The following NRXN3 variants were observed in gnomAD, a reference collection of about 807,000 sequenced individuals.
NRXN3 encodes the protein neurexin 3.
A neutral mutation model predicts 137.6 loss-of-function variants in NRXN3; 32 were observed. The observed-to-expected ratio is 0.23, with a 90% CI of 0.18 to 0.31. NRXN3 has a LOEUF of 0.31. NRXN3 is among the 10% of genes least tolerant of loss of function. NRXN3 has a pLI of 1.00. For synonymous variants in NRXN3, 798 were observed against 784.5 expected (o/e 1.02, Z -0.29); for missense variants, 1,574 against 2,062.5 (o/e 0.76, Z 4.59).
chr14:78,922,506 G>A (rs561421101), intron 10 of NRXN3, among the ~76,000 whole-genome samples: 45 of 152,196 alleles, frequency 3.0e-4, no homozygotes, highest in African/African-American at 9.2e-4. Context: ...ATGGGCCTTC[G>A]TCCAATTTAG....
intron 15 of NRXN3, among the ~76,000 whole-genome samples, chr14:79,039,702 A>C (rs946526899): frequency 2.0e-5 from 3 of 152,044 alleles, no homozygotes; most frequent in African/African-American, 7.2e-5. Context: ...TTTATTTTAA[A>C]TAGAGACAGG....
chr14:78,368,062 A>T lies in NRXN3; in HGVS notation c.757+70202A>T, dbSNP rs1391393400. Among the ~76,000 whole-genome samples the T allele has an allele frequency of 2.6e-5, 4 of 152,340 alleles. No homozygotes were observed. The South Asian group carries it at 8.3e-4, about 32-fold the overall frequency. On this transcript the variant is annotated intron_variant, in intron 4 of 20. Transcript: ENST00000335750. ...TTGAAGCCCTTACTTCAAAAATTTT[A>T]CTAATGCTTTGGCAGTTTTAGCAAC...
At chr14:79,776,040 A>T (rs1246499724) in intron 19 of NRXN3, among the ~76,000 whole-genome samples, 29 of 152,148 alleles carry the variant, frequency 1.9e-4, no homozygotes, top group Admixed American at 1.9e-3. Context: ...TGAGTGGAGA[A>T]ATAAGCAAAA....
chr14:79,548,234 T>A (rs1421304836), intron 16 of NRXN3, among the ~76,000 whole-genome samples: 2 of 152,070 alleles, frequency 1.3e-5, no homozygotes, highest in African/African-American at 2.4e-5. Flanking sequence ...TTCCCCTCCT[T>A]GTGTCCACGT....
intron 15 of NRXN3, among the ~76,000 whole-genome samples, chr14:79,177,064 A>G (rs138827596): frequency 6.6e-6 from 1 of 152,228 alleles, no homozygotes; most frequent in African/African-American, 2.4e-5. Context: ...ATTTTTTAAG[A>G]GTTGTATAGG....
chr14:79,111,753 T>C (rs1396560478), intron 15 of NRXN3, among the ~76,000 whole-genome samples: 7 of 148,080 alleles, frequency 4.7e-5, no homozygotes, highest in Admixed American at 6.7e-5. Context: ...AAAAAAAAAG[T>C]TTATTAGCAA....
chr14:78,413,671 C>T (rs765998060), intron 4 of NRXN3, among the ~76,000 whole-genome samples: 5 of 152,172 alleles, frequency 3.3e-5, no homozygotes, highest in Admixed American at 6.5e-5. Context: ...CTCCCATTAG[C>T]TAAAGACAAT....
intron 6 of NRXN3, among the ~76,000 whole-genome samples, chr14:78,675,925 T>G (rs887221367): frequency 3.3e-5 from 5 of 152,186 alleles, no homozygotes; most frequent in African/African-American, 1.2e-4. Flanking sequence ...TATTTGTCAA[T>G]GGTAATCTAT....
intron 4 of NRXN3, chr14:78,526,733 A>T: frequency 1.9e-6 from 1 of 517,332 alleles, no homozygotes; most frequent in South Asian, 1.4e-5. Context: ...TAATCCTAAG[A>T]GGTAGGTAGG....
Position 79,863,529 on chromosome 14 carries a change from C to T in NRXN3, c.*1565C>T, listed in dbSNP as rs1376468771. The T allele has an allele frequency of 1.3e-5, 2 of 149,632 alleles. No individual in the cohort carries two copies. The highest frequency in any genetic ancestry group is 3.0e-5 in the Non-Finnish European group (2 of 67,172). 9.3% of individuals were successfully genotyped at this position (149,632 alleles called of 1,614,324 possible). ...TGTCAAAGAGAATTAAAAAAAAAAACTTCAGATTTTGTTTACATATTTTAC... is the reference window on the plus strand; with the variant it reads ...TGTCAAAGAGAATTAAAAAAAAAAATTTCAGATTTTGTTTACATATTTTAC... On this transcript the variant is annotated 3_prime_UTR_variant, in exon 21 of 21. Coordinates refer to ENST00000335750, the MANE Select transcript of NRXN3 (RefSeq NM_001330195.2).
chr14:78,307,741 A>G (rs2077513825), intron 4 of NRXN3, among the ~76,000 whole-genome samples: 2 of 152,130 alleles, frequency 1.3e-5, no homozygotes, highest in Admixed American at 1.3e-4. Context: ...TGCATCTTTC[A>G]TTAAAATTTA....
In NRXN3 at chr14:78,303,053, T is replaced by A. The variant is rs553952287; in HGVS notation, c.757+5193T>A. 3.9e-5 allele frequency among the ~76,000 whole-genome samples: 6 copies of A among 152,318 alleles called. No individual in the cohort carries two copies. The South Asian group carries it at 8.3e-4, about 21-fold the overall frequency. On this transcript the variant is annotated intron_variant, in intron 4 of 20. Transcript: ENST00000335750. Reference sequence around the variant, plus strand: ...CTCCCTTTCAAAGCCTTCCCTTATATGGTCGTGTTTACCTTTATCTTGCTC... The same window carrying A: ...CTCCCTTTCAAAGCCTTCCCTTATAAGGTCGTGTTTACCTTTATCTTGCTC...
chr14:78,314,901 T>G (rs1050286186), intron 4 of NRXN3, among the ~76,000 whole-genome samples: 1 of 103,778 alleles, frequency 9.6e-6, no homozygotes, highest in Admixed American at 9.0e-5. Flanking sequence ...TTCTCTTTCT[T>G]TCTTTCTTTC....
intron 16 of NRXN3, among the ~76,000 whole-genome samples, chr14:79,519,197 T>G (rs1181032278): frequency 6.6e-6 from 1 of 152,024 alleles, no homozygotes; most frequent in Non-Finnish European, 1.5e-5. Flanking sequence ...ATCTCCCAAG[T>G]TTTCATATAT....
At chr14:78,733,212 C>T (rs1022881286) in intron 8 of NRXN3, among the ~76,000 whole-genome samples, 1 of 152,114 alleles carries the variant, frequency 6.6e-6, no homozygotes, top group Admixed American at 6.6e-5. Context: ...GCCTGCTGCA[C>T]TATTTTCTGC....
chr14:78,889,415 T>A (rs967333386), intron 10 of NRXN3, among the ~76,000 whole-genome samples: 12 of 151,980 alleles, frequency 7.9e-5, no homozygotes, highest in African/African-American at 2.9e-4. Flanking sequence ...CATGACCTTA[T>A]TTCCTTTGCA....
At chr14:79,754,696 C>G (rs1390088922) in intron 19 of NRXN3, among the ~76,000 whole-genome samples, 2 of 151,808 alleles carry the variant, frequency 1.3e-5, no homozygotes, top group East Asian at 1.9e-4. Context: ...AAGATCCACT[C>G]TGATGTGTTC....
chr14:78,846,559 G>GT (rs2099027687), intron 10 of NRXN3, among the ~76,000 whole-genome samples: 1 of 152,058 alleles, frequency 6.6e-6, no homozygotes, highest in Non-Finnish European at 1.5e-5. Flanking sequence ...TAAACAGGTG[G>GT]TTATAAAGTT....
chr14:79,520,838 C>A (rs537151709), intron 16 of NRXN3, among the ~76,000 whole-genome samples: 1 of 152,256 alleles, frequency 6.6e-6, no homozygotes, highest in Admixed American at 6.5e-5. Flanking sequence ...ATTAGTTCAA[C>A]CATTGTGGAA....
Sources: gnomAD v4.1 joint callset for allele counts (sites outside exome capture counted in the v4.1 genomes callset) on GRCh38, gnomAD v4.1.1 for gene constraint, MANE v1.5 for transcripts, NCBI Gene and HGNC (gene_info 2026-07-23, HGNC 2026-07-21) for gene names.